The following RABGAP1L variants were observed in gnomAD, a reference collection of about 807,000 sequenced individuals.
The protein encoded by RABGAP1L is rab GTPase-activating protein 1-like.
RABGAP1L carries 63 observed loss-of-function variants against 137.7 expected under a neutral mutation model. That is an observed-to-expected ratio of 0.46 (90% CI 0.37 to 0.56). The LOEUF (loss-of-function observed/expected upper bound fraction) is 0.56. Ranked by LOEUF, RABGAP1L falls within the 20% of genes least tolerant of loss-of-function variation. The pLI is 0.00. For synonymous variants in RABGAP1L, 431 were observed against 433.7 expected (o/e 0.99, Z 0.08); for missense variants, 1,095 against 1,244.0 (o/e 0.88, Z 1.80).
intron 14 of RABGAP1L, among the ~76,000 whole-genome samples, chr1:174,675,947 A>G (rs1677590579): frequency 6.6e-6 from 1 of 152,178 alleles, no homozygotes; most frequent in Admixed American, 6.5e-5. Context: ...CACAGTGGTG[A>G]TAACAGAGGT....
chr1:174,822,266 A>C (rs1318698576), intron 19 of RABGAP1L, among the ~76,000 whole-genome samples: 1 of 152,334 alleles, frequency 6.6e-6, no homozygotes, highest in Non-Finnish European at 1.5e-5. Context: ...TGTCTCAAAC[A>C]AACAAAAAAA....
intron 12 of RABGAP1L, among the ~76,000 whole-genome samples, chr1:174,375,494 A>G (rs987908740): frequency 6.6e-6 from 1 of 152,108 alleles, no homozygotes; most frequent in African/African-American, 2.4e-5. Context: ...CAAGGGAGAG[A>G]GAGAACACAG....
intron 13 of RABGAP1L, chr1:174,545,909 C>A (rs1665968772): frequency 6.6e-6 from 1 of 152,084 alleles, no homozygotes; most frequent in African/African-American, 2.4e-5. Flanking sequence ...GTTATACTTG[C>A]AATGTTCTGT....
chr1:174,849,093 C>A (rs540316277), intron 19 of RABGAP1L, among the ~76,000 whole-genome samples: 1,561 of 152,126 alleles, frequency 0.01, 15 homozygotes, highest in Middle Eastern at 0.017. Context: ...GGCTCGCGCA[C>A]GGTGCGTGCA....
chr1:174,260,714 A>G (rs1222982316), intron 7 of RABGAP1L, among the ~76,000 whole-genome samples: 2 of 152,222 alleles, frequency 1.3e-5, no homozygotes, highest in Non-Finnish European at 2.9e-5. Context: ...ACACATTGAT[A>G]TGTATTTTTA....
chr1:174,395,511 C>T (rs1571600050), intron 13 of RABGAP1L, among the ~76,000 whole-genome samples: 1 of 151,846 alleles, frequency 6.6e-6, no homozygotes. Context: ...GCGGTTTAAA[C>T]ACCTCTGTGA....
chr1:174,245,276 T>C (rs1672162290), intron 5 of RABGAP1L: 1 of 152,284 alleles, frequency 6.6e-6, no homozygotes, highest in Non-Finnish European at 1.5e-5. Flanking sequence ...TGCACCATGT[T>C]GGTCAGGCTG....
At chr1:174,865,429 A>C (rs1651033933) in intron 19 of RABGAP1L, among the ~76,000 whole-genome samples, 1 of 152,234 alleles carries the variant, frequency 6.6e-6, no homozygotes, top group African/African-American at 2.4e-5. Context: ...CTTTTGTCTC[A>C]GAATGAAGCT....
At position 174,304,206 on chromosome 1, in the gene RABGAP1L, A is replaced by G. The variant is rs145229324; in HGVS notation, c.1324-780A>G. ...ACATAAGGTCTTTCTTCTTTAGTCTATTAATATAGTGGATTATGCTGATTG... is the reference window on the plus strand; with the variant it reads ...ACATAAGGTCTTTCTTCTTTAGTCTGTTAATATAGTGGATTATGCTGATTG... On this transcript the variant is annotated intron_variant, in intron 10 of 25. Transcript: ENST00000681986. Among the ~76,000 whole-genome samples the G allele has an allele frequency of 7.2e-5, 11 of 152,200 alleles. No homozygotes were observed. The East Asian group carries it at 1.7e-3, about 24-fold the overall frequency.
intron 14 of RABGAP1L, among the ~76,000 whole-genome samples, chr1:174,660,091 G>A (rs1431010438): frequency 6.6e-6 from 1 of 152,148 alleles, no homozygotes; most frequent in East Asian, 1.9e-4. Context: ...AGTAATAAGT[G>A]TCAGTGGATC....
chr1:174,259,581 T>C (rs999658072), intron 7 of RABGAP1L, among the ~76,000 whole-genome samples: 3 of 152,228 alleles, frequency 2.0e-5, no homozygotes, highest in Non-Finnish European at 4.4e-5. Context: ...TAATATGGAA[T>C]TAATAACTGC....
chr1:174,262,063 GA>G (rs1365805547), intron 7 of RABGAP1L, among the ~76,000 whole-genome samples: 1 of 152,122 alleles, frequency 6.6e-6, no homozygotes, highest in African/African-American at 2.4e-5. Context: ...TTTTCCATAG[GA>G]AAACAGGTAT....
intron 13 of RABGAP1L, among the ~76,000 whole-genome samples, chr1:174,525,652 G>C: frequency 6.6e-6 from 1 of 152,084 alleles, no homozygotes; most frequent in Non-Finnish European, 1.5e-5. Context: ...ACTGATTGCT[G>C]TGGCTGGAAC....
chr1:174,802,034 G>A (rs1688805679), intron 18 of RABGAP1L, among the ~76,000 whole-genome samples: 1 of 152,136 alleles, frequency 6.6e-6, no homozygotes, highest in African/African-American at 2.4e-5. Context: ...ACATAAATTG[G>A]TAATTAAGAA....
At chr1:174,329,144 A>G (rs905489972) in intron 11 of RABGAP1L, among the ~76,000 whole-genome samples, 13 of 152,094 alleles carry the variant, frequency 8.5e-5, no homozygotes, top group African/African-American at 2.7e-4. Flanking sequence ...ATTAGAAATG[A>G]AAAAGGAATC....
Position 174,846,127 on chromosome 1 carries a change from A to G in RABGAP1L, c.2340+34167A>G, listed in dbSNP as rs1192661596. Among the ~76,000 whole-genome samples, 43 of 150,862 alleles carry G rather than the reference A, an allele frequency of 2.9e-4. 1 individual carries two copies. The highest frequency in any genetic ancestry group is 5.5e-4 in the Non-Finnish European group (37 of 67,676). On this transcript the variant is annotated intron_variant, in intron 19 of 25. Transcript: ENST00000681986. ...TTGATTCTTCTCTCTTTTCTTCTTT[A>G]TTAGTCTTGCTAGCGGTCTATCAAT... is the stretch of plus-strand genomic sequence containing the variant.
intron 14 of RABGAP1L, among the ~76,000 whole-genome samples, chr1:174,655,284 A>G (rs1013077599): frequency 2.0e-5 from 3 of 152,190 alleles, no homozygotes; most frequent in African/African-American, 7.2e-5. Flanking sequence ...CTCTTATTTC[A>G]TTAAGTTGTC....
intron 20 of RABGAP1L, among the ~76,000 whole-genome samples, chr1:174,966,665 G>A (rs1401873475): frequency 1.3e-5 from 2 of 152,082 alleles, no homozygotes; most frequent in Admixed American, 1.3e-4. Context: ...TCTGTGGGAG[G>A]GTGTAACTTC....
chr1:174,465,209 A>T (rs557756680), intron 13 of RABGAP1L, among the ~76,000 whole-genome samples: 1 of 151,810 alleles, frequency 6.6e-6, no homozygotes, highest in South Asian at 2.1e-4. Flanking sequence ...TTTATTGAGC[A>T]TTTTTTTTGA....
Sources: gnomAD v4.1 joint callset for allele counts (sites outside exome capture counted in the v4.1 genomes callset) on GRCh38, gnomAD v4.1.1 for gene constraint, MANE v1.5 for transcripts, NCBI Gene and HGNC (gene_info 2026-07-23, HGNC 2026-07-21) for gene names.